The following SNX13 variants were observed in gnomAD, a reference collection of about 807,000 sequenced individuals.
The protein encoded by SNX13 is sorting nexin-13.
In SNX13, 45 loss-of-function variants were observed where a neutral mutation model predicts 133.6. The ratio of observed to expected loss-of-function variants is 0.34; its 90% CI spans 0.27 to 0.43. The LOEUF (loss-of-function observed/expected upper bound fraction) is 0.43. Ranked by LOEUF, SNX13 falls within the 20% of genes least tolerant of loss-of-function variation. The pLI, the probability that SNX13 is intolerant of heterozygous loss-of-function variation, is 1.00. For synonymous variants in SNX13, 414 were observed against 373.9 expected, an observed-to-expected ratio of 1.11 and a Z score of -1.24; for missense variants, 1,032 against 1,145.1, an observed-to-expected ratio of 0.90 and a Z score of 1.43.
intron 17 of SNX13, 82 bp downstream of exon 17, chr7:17,825,940 G>C: frequency 2.0e-6 from 2 of 1,022,656 alleles, no homozygotes; most frequent in Non-Finnish European, 2.8e-6. Flanking sequence ...AAAATGGTTA[G>C]TAAAAATTAA....
chr7:17,797,381 C>A (rs551347225), intron 24 of SNX13, among the ~76,000 whole-genome samples: 1 of 151,808 alleles, frequency 6.6e-6, no homozygotes, highest in African/African-American at 2.4e-5. Flanking sequence ...CTACATAATA[C>A]TAAATTCTAA....
At chr7:17,842,082 A>G (rs2128318220) in intron 12 of SNX13, among the ~76,000 whole-genome samples, 1 of 152,126 alleles carries the variant, frequency 6.6e-6, no homozygotes, top group Admixed American at 6.6e-5. Flanking sequence ...AAATGACTGA[A>G]AATTTTCCAA....
intron 5 of SNX13, chr7:17,888,812 AG>A: frequency 2.2e-6 from 1 of 454,898 alleles, no homozygotes; most frequent in Admixed American, 2.5e-5. Context: ...AGAACAGGGC[AG>A]TTATTATTAC....
At chr7:17,800,208 T>C (rs1205992525) in intron 22 of SNX13, among the ~76,000 whole-genome samples, 1 of 151,780 alleles carries the variant, frequency 6.6e-6, no homozygotes, top group Admixed American at 6.6e-5. Context: ...TTATGGATAT[T>C]ATACCATCAA....
chr7:17,832,129 C>T (rs1208384539), intron 15 of SNX13: 8 of 983,982 alleles, frequency 8.1e-6, no homozygotes, highest in Non-Finnish European at 9.6e-6. Flanking sequence ...TACTCAATAA[C>T]TGATATATAA....
intron 21 of SNX13, among the ~76,000 whole-genome samples, chr7:17,802,824 T>C (rs1420581793): frequency 6.6e-6 from 1 of 152,250 alleles, no homozygotes; most frequent in East Asian, 1.9e-4. Context: ...AAATGATTTT[T>C]AAAATGTTAA....
intron 21 of SNX13, 93 bp downstream of exon 21, chr7:17,803,326 G>C (rs1411088681): frequency 2.5e-6 from 3 of 1,191,094 alleles, no homozygotes; most frequent in East Asian, 5.2e-5. Flanking sequence ...AAGAAATAAG[G>C]TTAAGGGACT....
chr7:17,902,280 C>A (rs1054249139), intron 1 of SNX13, among the ~76,000 whole-genome samples: 17 of 94,534 alleles, frequency 1.8e-4, no homozygotes, highest in Non-Finnish European at 3.0e-4. Flanking sequence ...AAAAAAGATT[C>A]TTTCCTTAAT....
intron 8 of SNX13, among the ~76,000 whole-genome samples, 169 bp downstream of exon 8, chr7:17,873,359 T>G (rs1794338055): frequency 6.6e-6 from 1 of 152,238 alleles, no homozygotes; most frequent in East Asian, 1.9e-4. Flanking sequence ...GTTTTAAAAA[T>G]TTCTTAGTCT....
intron 9 of SNX13, among the ~76,000 whole-genome samples, chr7:17,856,544 G>C (rs997263963): frequency 3.3e-5 from 5 of 152,106 alleles, no homozygotes; most frequent in African/African-American, 9.7e-5. Context: ...TGTAATCCCA[G>C]CACTTTGGGA....
intron 8 of SNX13, among the ~76,000 whole-genome samples, chr7:17,869,085 T>C (rs1479534099): frequency 6.6e-6 from 1 of 152,092 alleles, no homozygotes; most frequent in Admixed American, 6.5e-5. Context: ...TTGTTTATGT[T>C]CCTATGCAGA....
intron 11 of SNX13, among the ~76,000 whole-genome samples, chr7:17,847,286 T>C (rs549230581): frequency 6.6e-6 from 1 of 152,252 alleles, no homozygotes; most frequent in Non-Finnish European, 1.5e-5. Context: ...TAATGTTTCT[T>C]AAGTTATAAT....
At chr7:17,801,987 T>C (rs1279802804) in intron 21 of SNX13, among the ~76,000 whole-genome samples, 1 of 152,090 alleles carries the variant, frequency 6.6e-6, no homozygotes, top group East Asian at 1.9e-4. Flanking sequence ...AATGACGTTT[T>C]GTTCAACAAT....
chr7:17,940,248 T>C (rs1443719270), intron 1 of SNX13, 36 bp downstream of exon 1: 2 of 1,554,274 alleles, frequency 1.3e-6, no homozygotes, highest in South Asian at 2.4e-5. Context: ...CCCTTCCCCA[T>C]TTCACAGGTA....
At position 17,845,632 on chromosome 7, in the gene SNX13, G is replaced by C; in HGVS notation, c.1128C>G (p.Ser376Arg). The change falls in exon 12 of 26, where the codon AGC becomes AGG. Residue 376 changes from serine to arginine, a missense_variant. Physicochemically the swap from Ser to Arg is moderately radical, Grantham distance 110. Transcript: ENST00000428135. ...FGKLCTVPLD[S>R]ILVDNVALQF... ...GTAGTGCAACATTGTCTACAAGAAT[G>C]CTGTCCAGGGGGACTGTGCAAAGTT... 5 of 1,602,236 alleles carry C rather than the reference G, an allele frequency of 3.1e-6. No individual in the cohort carries two copies. Among genetic ancestry groups the C allele is most frequent in the Non-Finnish European group, 4.3e-6 (5 of 1,174,628 alleles).
Position 17,839,915 on chromosome 7 carries a change from T to A in SNX13, c.1251A>T (p.Leu417=), listed in dbSNP as rs1224685289. 2 of 1,612,028 alleles carry A rather than the reference T, an allele frequency of 1.2e-6. No individual in the cohort carries two copies. Among genetic ancestry groups the A allele is most frequent in the Non-Finnish European group, 1.7e-6 (2 of 1,178,744 alleles). Residue 417 remains leucine, a synonymous_variant, in exon 13 of 26, where the codon CTA becomes CTT. Coordinates refer to ENST00000428135, the MANE Select transcript of SNX13 (RefSeq NM_015132.5). The part of the protein sequence containing the change: ...EGYRVTAQQQ[L]EVLLSRQRDG... ...CTCTCTGACGACTTAATAAAACTTC[T>A]AGCTGCTGTTGGGCGGTAACCCGGT...
intron 20 of SNX13, among the ~76,000 whole-genome samples, chr7:17,809,305 A>AAAAAAAAAAAAAAAC: frequency 6.6e-6 from 1 of 151,168 alleles, no homozygotes; most frequent in Non-Finnish European, 1.5e-5. Context: ...AAAAAAAAAA[A>AAAAAAAAAAAAAAAC]AAGCAGGTAT....
rs371488734 is a variant in SNX13 at position 17,910,235 on chromosome 7, T to A, written c.13-12789A>T. 1.4e-4 allele frequency among the ~76,000 whole-genome samples: 21 copies of A among 152,210 alleles called. No individual in the cohort carries two copies. The East Asian group carries it at 3.5e-3, about 25-fold the overall frequency. ...ATCATTCCCATAGGTTTTAGGAACATAAATATAATAAGGGAAAAGAAATTC... is the reference window on the plus strand; with the variant it reads ...ATCATTCCCATAGGTTTTAGGAACAAAAATATAATAAGGGAAAAGAAATTC... On this transcript the variant is annotated intron_variant, in intron 1 of 25. Coordinates refer to ENST00000428135, the MANE Select transcript of SNX13 (RefSeq NM_015132.5).
chr7:17,929,005 A>G (rs1235889234), intron 1 of SNX13, among the ~76,000 whole-genome samples: 1 of 152,188 alleles, frequency 6.6e-6, no homozygotes, highest in Non-Finnish European at 1.5e-5. Context: ...CCTATAAAGT[A>G]TAACAAAAAA....
Sources: gnomAD v4.1 joint callset for allele counts (sites outside exome capture counted in the v4.1 genomes callset) on GRCh38, gnomAD v4.1.1 for gene constraint, MANE v1.5 for transcripts, NCBI Gene and HGNC (gene_info 2026-07-23, HGNC 2026-07-21) for gene names.